RBMS3: variants seen among roughly 807,000 people sequenced by gnomAD.
RBMS3 encodes RNA-binding motif, single-stranded-interacting protein 3.
A neutral mutation model predicts 66.8 loss-of-function variants in RBMS3; 27 were observed. The ratio of observed to expected loss-of-function variants is 0.40; its 90% confidence interval spans 0.30 to 0.56. The LOEUF (loss-of-function observed/expected upper bound fraction) is 0.56, where lower values mean the gene tolerates loss of function less well. Among genes scored for constraint, RBMS3 ranks in the 20% least tolerant of loss-of-function variants. The pLI, the probability that RBMS3 is intolerant of heterozygous loss-of-function variation, is 0.40. For missense variants in RBMS3, 513 were observed against 549.5 expected (o/e 0.93, Z 0.66); for synonymous variants, 188 against 183.0 (o/e 1.03, Z -0.22).
At chr3:29,880,730 C>A (rs747006987) in intron 7 of RBMS3, 23 of 1,504,962 alleles carry the variant, frequency 1.5e-5, no homozygotes, top group South Asian at 1.4e-4. Flanking sequence ...CACAATGTTC[C>A]AAATGCATAT....
intron 2 of RBMS3, among the ~76,000 whole-genome samples, chr3:29,447,350 A>C (rs1221138070): frequency 6.6e-6 from 1 of 152,224 alleles, no homozygotes; most frequent in Non-Finnish European, 1.5e-5. Flanking sequence ...ATTCAGATGC[A>C]TGTTAAACTT....
chr3:29,872,821 G>A (rs533117065), intron 7 of RBMS3, among the ~76,000 whole-genome samples: 52 of 152,280 alleles, frequency 3.4e-4, no homozygotes, highest in African/African-American at 1.2e-3. Flanking sequence ...TGGTGAGCCA[G>A]TTATCCCAAC....
intron 4 of RBMS3, among the ~76,000 whole-genome samples, chr3:29,726,491 G>A (rs539317942): frequency 6.6e-6 from 1 of 152,302 alleles, no homozygotes; most frequent in Admixed American, 6.5e-5. Flanking sequence ...TCCTTATGCT[G>A]ATAAGCAACT....
chr3:29,384,830 C>T (rs1046648029), intron 1 of RBMS3, among the ~76,000 whole-genome samples: 11 of 152,132 alleles, frequency 7.2e-5, no homozygotes, highest in Admixed American at 1.3e-4. Context: ...GTGTTGTGAG[C>T]GGGGAAGAGA....
rs1332108758 is a variant in RBMS3, at chr3:29,587,247, TTTG to T, written c.399+44_399+46del. 9.6e-4 allele frequency: 706 copies of T among 733,952 alleles called. 2 individuals are homozygous for T. In the African/African-American group the frequency reaches 0.01, roughly 11 times the overall value. 45.5% of individuals were successfully genotyped at this position (733,952 alleles called of 1,614,324 possible). ...GGGGTGTTTTTTTTTTTTTTTTTTT[TTTG>T]TGTGTGTGTGTGTGTGTGTGTGTGT... On this transcript the variant is annotated intron_variant, in intron 4 of 14. Coordinates refer to ENST00000383767, the MANE Select transcript of RBMS3 (RefSeq NM_001003793.3).
In RBMS3 at chr3:29,502,062, G is replaced by T. The variant is rs554970911; in HGVS notation, c.307+13563G>T. 2.0e-5 allele frequency among the ~76,000 whole-genome samples: 3 copies of T among 152,158 alleles called. No homozygotes were observed. The South Asian group carries it at 6.2e-4, about 32-fold the overall frequency. On this transcript the variant is annotated intron_variant, in intron 3 of 14. Coordinates refer to ENST00000383767, the MANE Select transcript of RBMS3 (RefSeq NM_001003793.3). Reference sequence around the variant, plus strand: ...TTTGTCTAGGGAAGGAATTTTGTTTGGCTACAATACTGTTAAAAGTATTTA... The same window carrying T: ...TTTGTCTAGGGAAGGAATTTTGTTTTGCTACAATACTGTTAAAAGTATTTA...
chr3:29,613,473 C>A (rs2048559896), intron 4 of RBMS3, among the ~76,000 whole-genome samples: 1 of 152,104 alleles, frequency 6.6e-6, no homozygotes, highest in Non-Finnish European at 1.5e-5. Context: ...AATTACATTT[C>A]CTACTAATTA....
At chr3:29,492,370 G>T (rs1157763580) in intron 3 of RBMS3, among the ~76,000 whole-genome samples, 1 of 152,196 alleles carries the variant, frequency 6.6e-6, no homozygotes, top group Non-Finnish European at 1.5e-5. Flanking sequence ...GTGTATAATT[G>T]TTCATGATGA....
intron 6 of RBMS3, among the ~76,000 whole-genome samples, chr3:29,819,330 C>T (rs949749448): frequency 2.0e-5 from 3 of 152,020 alleles, no homozygotes; most frequent in Admixed American, 1.3e-4. Flanking sequence ...TCTCTGGTGG[C>T]AATAAAAAGC....
intron 12 of RBMS3, among the ~76,000 whole-genome samples, chr3:29,956,662 C>G (rs1007924976): frequency 2.6e-5 from 4 of 152,114 alleles, no homozygotes; most frequent in Non-Finnish European, 5.9e-5. Flanking sequence ...AAAAGTATCT[C>G]TTCCAGAAAG....
chr3:29,444,036 G>T (rs2041725940), intron 2 of RBMS3, among the ~76,000 whole-genome samples: 1 of 152,066 alleles, frequency 6.6e-6, no homozygotes. Flanking sequence ...TTATTTTTGA[G>T]ACTGTATTAT....
intron 1 of RBMS3, among the ~76,000 whole-genome samples, chr3:29,404,075 C>T (rs566235718): frequency 1.3e-4 from 20 of 152,270 alleles, no homozygotes; most frequent in African/African-American, 4.8e-4. Context: ...CAGTGCTCCT[C>T]AGACTATCGA....
intron 6 of RBMS3, among the ~76,000 whole-genome samples, chr3:29,855,618 G>A (rs1198211032): frequency 6.6e-6 from 1 of 152,158 alleles, no homozygotes; most frequent in Non-Finnish European, 1.5e-5. Context: ...AGGTAAGAAA[G>A]CCTTCCTGAG....
At chr3:29,565,149 C>G (rs1332659672) in intron 3 of RBMS3, among the ~76,000 whole-genome samples, 1 of 152,108 alleles carries the variant, frequency 6.6e-6, no homozygotes, top group Admixed American at 6.6e-5. Flanking sequence ...TTATTCTCCC[C>G]TCATCACCAG....
At position 29,781,089 on chromosome 3, in the gene RBMS3, A is replaced by G. The variant is rs576870720; in HGVS notation, c.637+18100A>G. ...ATTAACTCGTCATTTAGCATTAGGT[A>G]TGTCTCCTAATGCTATCCCTCCCCC... On this transcript the variant is annotated intron_variant, in intron 6 of 14. Transcript: ENST00000383767. Among the ~76,000 whole-genome samples the G allele has an allele frequency of 4.3e-4, 64 of 150,556 alleles. No individual in the cohort carries two copies. The South Asian group carries it at 0.013, about 30-fold the overall frequency.
chr3:29,540,206 G>A (rs6763161), intron 3 of RBMS3, among the ~76,000 whole-genome samples: 38,938 of 152,048 alleles, frequency 0.26, 6,982 homozygotes, highest in African/African-American at 0.5. Context: ...TATCTCATCT[G>A]TTCTTCAAAT....
intron 3 of RBMS3, among the ~76,000 whole-genome samples, chr3:29,515,544 A>G (rs925318159): frequency 6.6e-6 from 1 of 152,252 alleles, no homozygotes; most frequent in Admixed American, 6.5e-5. Flanking sequence ...ATGCAGGAAG[A>G]CAGGCTGGAA....
At chr3:29,559,509 TCAAAAAAAAAAAAAAAAAAAAAAAAAA>T (rs2046470241) in intron 3 of RBMS3, among the ~76,000 whole-genome samples, 1 of 16,620 alleles carries the variant, frequency 6.0e-5, no homozygotes, top group African/African-American at 2.0e-4. Flanking sequence ...AGACTCTGTC[TCAAAAAAAAAAAAAAAAAAAAAAAAAA>T]AAAAAAAAAA....
intron 4 of RBMS3, among the ~76,000 whole-genome samples, chr3:29,733,287 T>C (rs903613764): frequency 4.6e-5 from 7 of 152,054 alleles, no homozygotes; most frequent in African/African-American, 1.7e-4. Context: ...TTTCTATAAA[T>C]TCGTTATACA....
Sources: allele counts gnomAD v4.1 joint callset (sites outside exome capture counted in the v4.1 genomes callset), GRCh38; gene constraint gnomAD v4.1.1; transcripts MANE v1.5; gene names NCBI Gene and HGNC (gene_info 2026-07-23, HGNC 2026-07-21).